PLCB4: variants seen among roughly 807,000 people sequenced by gnomAD.
PLCB4 encodes 1-phosphatidylinositol 4,5-bisphosphate phosphodiesterase beta-4.
PLCB4 carries 77 observed loss-of-function variants against 178.8 expected under a neutral mutation model. The ratio of observed to expected loss-of-function variants is 0.43; its 90% CI spans 0.36 to 0.52. The LOEUF is 0.52. Among genes scored for constraint, PLCB4 ranks in the 20% least tolerant of loss-of-function variants. The probability of loss-of-function intolerance (pLI) is 0.00; values close to 1 mark genes in which losing one functional copy is unlikely to be tolerated. For missense variants in PLCB4, 1,024 were observed against 1,453.4 expected, an observed-to-expected ratio of 0.70 and a Z score of 4.80; for synonymous variants, 496 against 490.8, an observed-to-expected ratio of 1.01 and a Z score of -0.14.
chr20:9,126,015 T>G (rs1376496243), intron 2 of PLCB4, among the ~76,000 whole-genome samples: 1 of 152,156 alleles, frequency 6.6e-6, no homozygotes, highest in Non-Finnish European at 1.5e-5. Flanking sequence ...TGTGTGTGTG[T>G]GTATGCATGT....
chr20:9,270,910 A>G (rs2094396626), intron 3 of PLCB4, among the ~76,000 whole-genome samples: 2 of 152,116 alleles, frequency 1.3e-5, no homozygotes, highest in Non-Finnish European at 2.9e-5. Context: ...CCATATTTTC[A>G]TTTGAAAAGA....
chr20:9,352,982 G>A (rs899728174), intron 7 of PLCB4, among the ~76,000 whole-genome samples: 2 of 152,038 alleles, frequency 1.3e-5, no homozygotes, highest in African/African-American at 4.8e-5. Context: ...TTACTCTGTA[G>A]CTTCAGACTG....
intron 2 of PLCB4, among the ~76,000 whole-genome samples, chr20:9,173,044 A>T (rs1287464980): frequency 1.3e-5 from 2 of 152,296 alleles, no homozygotes; most frequent in South Asian, 2.1e-4. Context: ...GGAACAGATG[A>T]TGAACTATGC....
In PLCB4 at chr20:9,144,747, AG is replaced by A. The variant is rs1363748692; in HGVS notation, c.-79+48409del. ...GGGAAGGAGGGGAAGGAGGGGAAGG[AG>A]GGGAAGGAGGGGAAGGAGGGGAATG... is the stretch of plus-strand genomic sequence containing the variant. On this transcript the variant is annotated intron_variant, in intron 2 of 39. Coordinates refer to ENST00000378473, the MANE Select transcript of PLCB4 (RefSeq NM_001377142.1). Among the ~76,000 whole-genome samples the A allele has an allele frequency of 2.1e-4, 14 of 68,068 alleles. No homozygotes were observed. The East Asian group carries it at 7.6e-3, about 37-fold the overall frequency. The allele number at this position is 68,068 out of a possible 152,430, so 44.7% of individuals were successfully genotyped here. A position where few individuals can be genotyped will look rare whatever the true frequency, so the allele number is the denominator to read the frequency against.
intron 35 of PLCB4, among the ~76,000 whole-genome samples, chr20:9,461,150 A>G (rs534852114): frequency 3.0e-4 from 45 of 152,388 alleles, no homozygotes; most frequent in African/African-American, 1.1e-3. Context: ...ATAAAGAGAA[A>G]AACATTAGCT....
intron 4 of PLCB4, among the ~76,000 whole-genome samples, chr20:9,324,871 A>G (rs1340789390): frequency 6.6e-6 from 1 of 152,156 alleles, no homozygotes; most frequent in Non-Finnish European, 1.5e-5. Flanking sequence ...AAAAAAAAGC[A>G]TTTTCAAAAG....
chr20:9,315,052 A>G (rs1047601890), intron 4 of PLCB4, among the ~76,000 whole-genome samples: 5 of 152,090 alleles, frequency 3.3e-5, no homozygotes, highest in African/African-American at 1.2e-4. Flanking sequence ...TTGTATTTTT[A>G]GTAGAGATGT....
chr20:9,472,478 G>A (rs781307412), intron 36 of PLCB4, among the ~76,000 whole-genome samples: 5 of 152,168 alleles, frequency 3.3e-5, no homozygotes, highest in Non-Finnish European at 4.4e-5. Flanking sequence ...GGGGAGAGAG[G>A]AATAAGGAAA....
chr20:9,223,369 G>T (rs2147302815), intron 3 of PLCB4, among the ~76,000 whole-genome samples: 1 of 152,300 alleles, frequency 6.6e-6, no homozygotes, highest in East Asian at 1.9e-4. Flanking sequence ...TGTTGTGTAA[G>T]AAGTCACTTG....
intron 3 of PLCB4, among the ~76,000 whole-genome samples, chr20:9,219,241 G>A (rs1020724477): frequency 6.6e-6 from 1 of 152,296 alleles, no homozygotes; most frequent in South Asian, 2.1e-4. Context: ...AGGCCGAGGC[G>A]GGTGGATCAC....
At position 9,395,611 on chromosome 20, in the gene PLCB4, C is replaced by T. The variant is rs753456784; in HGVS notation, c.1503C>T (p.Ile501=). 103 of 1,601,464 alleles carry T rather than the reference C, an allele frequency of 6.4e-5. No individual in the cohort carries two copies. The Admixed American group carries it at 1.5e-3, about 24-fold the overall frequency. ...TAGAGGACGATAATGAAGAGGAGAT[C>T]GAAAGTGGTGAGCTGTTTGCTTTTA... is the stretch of plus-strand genomic sequence containing the variant. ...NILEDDNEEE[I]ESADQEEEAH... is the part of the protein sequence containing the mutation. Residue 501 remains isoleucine, a synonymous_variant, in exon 19 of 40, where the codon ATC becomes ATT. Coordinates refer to ENST00000378473, the MANE Select transcript of PLCB4 (RefSeq NM_001377142.1).
chr20:9,070,551 A>T (rs2089517835), intron 1 of PLCB4, among the ~76,000 whole-genome samples: 1 of 152,132 alleles, frequency 6.6e-6, no homozygotes, highest in Non-Finnish European at 1.5e-5. Flanking sequence ...GTCTTGCATG[A>T]TCCTTAGCTG....
intron 13 of PLCB4, among the ~76,000 whole-genome samples, chr20:9,380,883 G>T (rs1218361765): frequency 6.6e-6 from 1 of 152,124 alleles, no homozygotes; most frequent in Non-Finnish European, 1.5e-5. Context: ...AAGTTCCATA[G>T]GTCCCGTATG....
chr20:9,305,931 G>A (rs749615799), intron 3 of PLCB4, among the ~76,000 whole-genome samples: 3 of 151,910 alleles, frequency 2.0e-5, no homozygotes, highest in Admixed American at 6.6e-5. Flanking sequence ...TGCATATTTT[G>A]TGTCTTCAGT....
chr20:9,363,063 C>T, intron 8 of PLCB4, 88 bp downstream of exon 8: 1 of 922,636 alleles, frequency 1.1e-6, no homozygotes. Flanking sequence ...GTTCCTTCCT[C>T]CAAATTCCTG....
At chr20:9,330,651 A>AC (rs1484117230) in intron 4 of PLCB4, among the ~76,000 whole-genome samples, 2 of 152,230 alleles carry the variant, frequency 1.3e-5, no homozygotes, top group Admixed American at 6.5e-5. Flanking sequence ...CCAATATGGT[A>AC]ACCACTAACC....
intron 2 of PLCB4, among the ~76,000 whole-genome samples, chr20:9,117,693 G>A (rs1375431145): frequency 6.6e-6 from 1 of 151,902 alleles, no homozygotes; most frequent in East Asian, 1.9e-4. Flanking sequence ...CCTGTGCCTC[G>A]GCTACACTGG....
chr20:9,134,212 A>G (rs6133667), intron 2 of PLCB4, among the ~76,000 whole-genome samples: 29,975 of 152,064 alleles, frequency 0.2, 3,937 homozygotes, highest in East Asian at 0.55. Context: ...TAAGTTTCCC[A>G]CATGTTTCTG....
chr20:9,435,108 C>T (rs774452952), intron 28 of PLCB4, among the ~76,000 whole-genome samples: 10 of 152,326 alleles, frequency 6.6e-5, no homozygotes, highest in Admixed American at 2.0e-4. Flanking sequence ...ATAAGACCTA[C>T]CTGCCTCAGG....
Sources: allele counts gnomAD v4.1 joint callset (sites outside exome capture counted in the v4.1 genomes callset), GRCh38; gene constraint gnomAD v4.1.1; transcripts MANE v1.5; gene names NCBI Gene and HGNC (gene_info 2026-07-23, HGNC 2026-07-21).